PLEKHH1: variants seen among roughly 807,000 people sequenced by gnomAD.
PLEKHH1 encodes pleckstrin homology, MyTH4 and FERM domain containing H1.
Under a neutral mutation model 160.0 loss-of-function variants are expected in PLEKHH1, and 104 were observed. That is an observed-to-expected ratio of 0.65 (90% CI 0.55 to 0.76). The LOEUF is 0.76. Among genes scored for constraint, PLEKHH1 ranks in the 30% least tolerant of loss-of-function variants. The pLI, the probability that PLEKHH1 is intolerant of heterozygous loss-of-function variation, is 0.00. For synonymous variants in PLEKHH1, 619 were observed against 678.4 expected (o/e 0.91, Z 1.36); for missense variants, 1,427 against 1,724.1 (o/e 0.83, Z 3.05).
Position 67,586,331 on chromosome 14 carries a change from AT to A in PLEKHH1, c.3933+236del, listed in dbSNP as rs2036159697. 3.6e-6 allele frequency: 5 copies of A among 1,377,104 alleles called. No homozygotes were observed. The East Asian group carries it at 1.3e-4, about 36-fold the overall frequency. The allele number at this position is 1,377,104 out of a possible 1,614,324, so 85.3% of individuals were successfully genotyped here. A position where few individuals can be genotyped will look rare whatever the true frequency, so the allele number is the denominator to read the frequency against. ...GGGAACTAACTCTGGCCTAGCTACT[AT>A]TATGCTCTTCACTTTTTCTTTTTTA... is the stretch of plus-strand genomic sequence containing the variant. On this transcript the variant is annotated intron_variant, in intron 28 of 28. Transcript: ENST00000329153.
Position 67,579,412 on chromosome 14 carries a change from G to A in PLEKHH1, c.3027+101G>A, listed in dbSNP as rs1332382906. ...CAGGCTTGGCAGATTGTTCACTGTT[G>A]CCCCAGAAGTAGATATTATGAACTC... is the stretch of plus-strand genomic sequence containing the variant. On this transcript the variant is annotated intron_variant, in intron 21 of 28. Coordinates refer to ENST00000329153, the MANE Select transcript of PLEKHH1 (RefSeq NM_020715.3). 4 of 959,788 alleles carry A rather than the reference G, an allele frequency of 4.2e-6. No individual in the cohort carries two copies. The South Asian group carries it at 5.9e-5, about 14-fold the overall frequency. 59.5% of individuals were successfully genotyped at this position (959,788 alleles called of 1,614,324 possible).
At chr14:67,581,095 C>T in intron 23 of PLEKHH1, 57 bp downstream of exon 23, 3 of 1,061,484 alleles carry the variant, frequency 2.8e-6, no homozygotes, top group South Asian at 1.3e-5. Flanking sequence ...TGGGTGCCAG[C>T]TCATCGCCTC....
intron 7 of PLEKHH1, among the ~76,000 whole-genome samples, chr14:67,567,948 G>A (rs944073058): frequency 6.6e-6 from 1 of 152,184 alleles, no homozygotes; most frequent in African/African-American, 2.4e-5. Flanking sequence ...GAGCAGTCAG[G>A]GCCATTAGGA....
rs2033980073 is a variant in PLEKHH1, at chr14:67,541,899, G to A, written c.32G>A (p.Ser11Asn). Residue 11 changes from serine (S) to asparagine (N), a missense_variant, in exon 2 of 29, where the codon AGC (serine) becomes AAC (asparagine). By Grantham distance (46) the Ser-to-Asn change is conservative (BLOSUM62 1). This residue lies in a region of PLEKHH1 where 831 missense variants were observed against 929.2 expected (regional missense o/e 0.89). Transcript: ENST00000329153. MAELKVEAPASVDWQKRCLTL... is the reference protein window; with the variant it reads MAELKVEAPANVDWQKRCLTL... ...GAACTCAAGGTGGAGGCGCCGGCCA[G>A]CGTAGACTGGCAGAAACGCTGCCTG... 1.2e-6 allele frequency: 2 copies of A among 1,603,526 alleles called. No homozygotes were observed. The highest frequency in any genetic ancestry group is 4.5e-5 in the East Asian group (2 of 44,444).
Position 67,576,032 on chromosome 14 carries a change from GC to G in PLEKHH1, c.2352+29del. 1 of 1,548,892 alleles carries G rather than the reference GC, an allele frequency of 6.5e-7. No individual in the cohort carries two copies. Among genetic ancestry groups the G allele is most frequent in the Non-Finnish European group, 8.8e-7 (1 of 1,131,332 alleles). On this transcript the variant is annotated intron_variant, in intron 16 of 28. Transcript: ENST00000329153. The surrounding 1 kb of genome is among the most constrained non-coding windows in gnomAD (Gnocchi z 4.0). ...TAAGGAAGAGGGCTGGGCCTCCAGG[GC>G]CAAGCTTGGACCTGTGATTCTGATC...
rs185492905 is a variant in PLEKHH1 at position 67,586,936 on chromosome 14, A to G, written c.3934-138A>G. On this transcript the variant is annotated intron_variant, in intron 28 of 28. Coordinates refer to ENST00000329153, the MANE Select transcript of PLEKHH1 (RefSeq NM_020715.3). Reference sequence around the variant, plus strand: ...ACAGCACAGTTATGATTCCCTTTGGATATTTTCTCCCAGGTGGGTATTTTA... The same window carrying G: ...ACAGCACAGTTATGATTCCCTTTGGGTATTTTCTCCCAGGTGGGTATTTTA... 177 of 1,543,770 alleles carry G rather than the reference A, an allele frequency of 1.1e-4. No individual in the cohort carries two copies. In the African/African-American group the frequency reaches 1.5e-3, roughly 13 times the overall value.
In PLEKHH1 at chr14:67,577,295, T is replaced by C; in HGVS notation, c.2462-7T>C. 2.6e-6 allele frequency: 4 copies of C among 1,553,172 alleles called. No individual in the cohort carries two copies. Among genetic ancestry groups the C allele is most frequent in the Non-Finnish European group, 3.5e-6 (4 of 1,147,308 alleles). On this transcript the variant is annotated splice_region_variant and splice_polypyrimidine_tract_variant and intron_variant, in intron 17 of 28. Transcript: ENST00000329153. ...GCCCTTGCTCTCTGGTTCCGTGCTT[T>C]GGGCAGATTCGCCGCTCTGGAGGCA...
At chr14:67,586,462 C>T (rs1376234249) in intron 28 of PLEKHH1, 10 of 1,264,538 alleles carry the variant, frequency 7.9e-6, no homozygotes, top group Non-Finnish European at 1.0e-5. Context: ...TTAAGGTGCT[C>T]GCATGTTACC....
At position 67,587,283 on chromosome 14, in the gene PLEKHH1, A is replaced by G; in HGVS notation, c.*48A>G. On this transcript the variant is annotated 3_prime_UTR_variant, in exon 29 of 29. Coordinates refer to ENST00000329153, the MANE Select transcript of PLEKHH1 (RefSeq NM_020715.3). Reference sequence around the variant, plus strand: ...CAACACCACTAGTGCCTCTGGATTTAGAGATATATATCCTAGGGTATGATA... The same window carrying G: ...CAACACCACTAGTGCCTCTGGATTTGGAGATATATATCCTAGGGTATGATA... 6.2e-7 allele frequency: 1 copy of G among 1,603,838 alleles called. No individual in the cohort carries two copies. Among genetic ancestry groups the G allele is most frequent in the Non-Finnish European group, 8.5e-7 (1 of 1,170,736 alleles).
At position 67,582,236 on chromosome 14, in the gene PLEKHH1, G is replaced by T. The variant is rs1396994335; in HGVS notation, c.3426+26G>T. 1.2e-6 allele frequency: 2 copies of T among 1,613,282 alleles called. No homozygotes were observed. The highest frequency in any genetic ancestry group is 2.2e-5 in the East Asian group (1 of 44,872). On this transcript the variant is annotated intron_variant, in intron 24 of 28. Transcript: ENST00000329153. This position sits in a 1 kb window ranked among gnomAD's most constrained non-coding sequence, Gnocchi z 5.0. ...GTAAGGTTCTGTTCAGGAAGCAGGA[G>T]GGTCGGGTTGCCAGCTTAGAATGAA... is the stretch of plus-strand genomic sequence containing the variant.
chr14:67,542,559 A>G (rs1408623684), intron 2 of PLEKHH1, among the ~76,000 whole-genome samples: 4 of 152,350 alleles, frequency 2.6e-5, no homozygotes, highest in African/African-American at 9.6e-5. Context: ...TCACATATGT[A>G]AAGGTCCTGA....
chr14:67,569,808 T>C (rs1191187772), intron 8 of PLEKHH1, 113 bp from the exon 9 acceptor site: 9 of 713,324 alleles, frequency 1.3e-5, no homozygotes, highest in Admixed American at 2.1e-5. Context: ...CCTCTTGAGA[T>C]CTGTCACTGG....
chr14:67,555,964 G>A (rs2034576804), intron 3 of PLEKHH1, 77 bp downstream of exon 3: 1 of 1,560,608 alleles, frequency 6.4e-7, no homozygotes, highest in African/African-American at 1.4e-5. Context: ...CACGGACACA[G>A]GTGGACACAT....
Position 67,541,962 on chromosome 14 carries a change from C to T in PLEKHH1, c.95C>T (p.Ala32Val), listed in dbSNP as rs1182045778. Residue 32 changes from alanine (A) to valine (V), a missense_variant, in exon 2 of 29, where the codon GCC (alanine) becomes GTC (valine). Physicochemically the swap from Ala to Val is moderately conservative, Grantham distance 64. Coordinates refer to ENST00000329153, the MANE Select transcript of PLEKHH1 (RefSeq NM_020715.3). ...CAGCTTTTCCGGTTCCGCCTACAGG[C>T]CAGCAAGATAAGGGAGCTGCTGGCT... ...ETQLFRFRLQ[A>V]SKIRELLADK... 10 of 1,607,558 alleles carry T rather than the reference C, an allele frequency of 6.2e-6. No individual in the cohort carries two copies. The African/African-American group carries it at 1.2e-4, about 19-fold the overall frequency.
rs771364299 is a variant in PLEKHH1 at position 67,569,144 on chromosome 14, C to T, written c.1270C>T (p.Arg424Trp). The T allele has an allele frequency of 6.8e-6, 11 of 1,610,260 alleles. No homozygotes were observed. The highest frequency in any genetic ancestry group is 1.3e-5 in the African/African-American group (1 of 74,816). The change falls in exon 8 of 29, where the codon CGG becomes TGG. Residue 424 changes from arginine (R) to tryptophan (W), a missense_variant. Transcript: ENST00000329153. ...PLHQFSSWESRIYAVATSGMR... is the reference protein window; with the variant it reads ...PLHQFSSWESWIYAVATSGMR... ...CTGAGACCTCTTGTTTCAGGAGAGC[C>T]GGATCTATGCTGTGGCCACATCGGG...
At chr14:67,571,663 G>A (rs772052177) in intron 9 of PLEKHH1, 89 bp from the exon 10 acceptor site, 58 of 1,384,126 alleles carry the variant, frequency 4.2e-5, no homozygotes, top group Middle Eastern at 1.8e-4. Context: ...GCCACACCAT[G>A]GGCACTTGGA....
chr14:67,584,055 G>C lies in PLEKHH1; in HGVS notation c.3630G>C (p.Glu1210Asp). 6.2e-7 allele frequency: 1 copy of C among 1,614,018 alleles called. No individual in the cohort carries two copies. The highest frequency in any genetic ancestry group is 8.5e-7 in the Non-Finnish European group (1 of 1,179,896). Reference protein sequence around the residue: ...WATLQGCSPPECIRIYLTVAR... With the variant: ...WATLQGCSPPDCIRIYLTVAR... ...CATTGCAAGGATGCTCCCCTCCTGA[G>C]TGCATCCGCATCTACCTGACCGTGG... is the stretch of plus-strand genomic sequence containing the variant. Residue 1210 changes from glutamate (E) to aspartate (D), a missense_variant, in exon 26 of 29, where the codon GAG (glutamate) becomes GAC (aspartate). By Grantham distance (45) the Glu-to-Asp change is conservative. Coordinates refer to ENST00000329153, the MANE Select transcript of PLEKHH1 (RefSeq NM_020715.3).
chr14:67,569,009 T>C (rs960968805), intron 7 of PLEKHH1, 129 bp from the exon 8 acceptor site: 27 of 606,370 alleles, frequency 4.5e-5, no homozygotes, highest in Non-Finnish European at 6.7e-5. Context: ...TTGCCCAAGA[T>C]TTGTTAGCCA....
intron 2 of PLEKHH1, among the ~76,000 whole-genome samples, chr14:67,542,861 C>T (rs904381842): frequency 1.3e-5 from 2 of 152,038 alleles, no homozygotes; most frequent in African/African-American, 2.4e-5. Flanking sequence ...CCACCACGCC[C>T]GGCTAATTTT....
Sources: gnomAD v4.1 joint callset for allele counts (sites outside exome capture counted in the v4.1 genomes callset) on GRCh38, gnomAD v4.1.1 for gene constraint, gnomAD v4.1.1 regional missense constraint, Gnocchi (gnomAD v3.1) non-coding constraint, MANE v1.5 for transcripts, NCBI Gene and HGNC (gene_info 2026-07-23, HGNC 2026-07-21) for gene names.